The following RBM26 variants were observed in gnomAD, a reference collection of about 807,000 sequenced individuals.
The protein encoded by RBM26 is RNA binding motif protein 26.
Under a neutral mutation model 123.6 loss-of-function variants are expected in RBM26, and 30 were observed. The ratio of observed to expected loss-of-function variants is 0.24; its 90% CI spans 0.18 to 0.33. The LOEUF (loss-of-function observed/expected upper bound fraction) is 0.33, where lower values mean the gene tolerates loss of function less well. Ranked by LOEUF, RBM26 falls within the 10% of genes least tolerant of loss-of-function variation. The probability of loss-of-function intolerance (pLI) is 1.00; values close to 1 mark genes in which losing one functional copy is unlikely to be tolerated. For missense variants in RBM26, 947 were observed against 1,203.6 expected (o/e 0.79, Z 3.15); for synonymous variants, 400 against 404.4 (o/e 0.99, Z 0.13).
intron 8 of RBM26, 51 bp downstream of exon 8, chr13:79,366,004 T>C: frequency 1.3e-6 from 2 of 1,513,792 alleles, no homozygotes. Flanking sequence ...TTTAAAATTC[T>C]TCATCTAAAA....
chr13:79,331,296 G>A (rs560495007), intron 20 of RBM26, among the ~76,000 whole-genome samples: 173 of 151,878 alleles, frequency 1.1e-3, no homozygotes, highest in Non-Finnish European at 2.0e-3. Context: ...GAGCCACTGC[G>A]CCTGGCCCCT....
In RBM26 at chr13:79,355,201, A is replaced by C. The variant is rs1296817985; in HGVS notation, c.1854+19T>G. The C allele has an allele frequency of 1.2e-6, 2 of 1,610,582 alleles. No individual in the cohort carries two copies. The highest frequency in any genetic ancestry group is 1.7e-6 in the Non-Finnish European group (2 of 1,177,402). On this transcript the variant is annotated intron_variant, in intron 12 of 21. Transcript: ENST00000438737. The stretch of plus-strand genomic sequence containing the variant: ...CTTTCTAAGAAATGCGCGTACTTTT[A>C]CACAAATTCCTCTCTTACCTTTGGA...
rs905861619 is a variant in RBM26 at position 79,375,357 on chromosome 13, G to A, written c.327+2022C>T. 2.2e-4 allele frequency among the ~76,000 whole-genome samples: 33 copies of A among 151,248 alleles called. 1 individual carries two copies. Among genetic ancestry groups the A allele is most frequent in the Admixed American group, 4.6e-4 (7 of 15,100 alleles). ...CTGGCTAATTTTTGTTTTTAGTAGC[G>A]ACAGGGTTTCACCATATTGGCCAAG... On this transcript the variant is annotated intron_variant, in intron 3 of 21. Coordinates refer to ENST00000438737, the MANE Select transcript of RBM26 (RefSeq NM_001366735.2).
At chr13:79,365,884 ATGT>A in intron 8 of RBM26, 166 bp from the exon 9 acceptor site, 2 of 950,952 alleles carry the variant, frequency 2.1e-6, no homozygotes, top group South Asian at 2.0e-5. Flanking sequence ...TAAAAAGAAA[ATGT>A]TTTTTTGAAA....
chr13:79,400,703 A>G (rs1447402417), intron 1 of RBM26, among the ~76,000 whole-genome samples: 1 of 152,220 alleles, frequency 6.6e-6, no homozygotes, highest in Non-Finnish European at 1.5e-5. Flanking sequence ...GAACCAACAC[A>G]TTAGGGATTC....
At chr13:79,340,812 G>C (rs1167453387) in intron 18 of RBM26, among the ~76,000 whole-genome samples, 2 of 151,844 alleles carry the variant, frequency 1.3e-5, no homozygotes, top group Non-Finnish European at 2.9e-5. Flanking sequence ...TACCTGAAAA[G>C]ACTTTATTAT....
chr13:79,314,950 T>C (rs1456917262), downstream of RBM26: 1 of 1,293,932 alleles, frequency 7.7e-7, no homozygotes, highest in Admixed American at 2.3e-5. Context: ...GGTCTTGCTC[T>C]TGCAGTCACA....
At position 79,373,472 on chromosome 13, in the gene RBM26, AAATATACAAATATATATAATAT is replaced by A. The variant is rs1566508364; in HGVS notation, c.328-1564_328-1543del. On this transcript the variant is annotated intron_variant, in intron 3 of 21. Coordinates refer to ENST00000438737, the MANE Select transcript of RBM26 (RefSeq NM_001366735.2). Reference sequence around the variant, plus strand: ...ATATATAAATATATATAATATGTATAAATATACAAATATATATAATATGTATAAATATACTTATTTATATATA... The same window carrying A: ...ATATATAAATATATATAATATGTATAGTATAAATATACTTATTTATATATA... Among the ~76,000 whole-genome samples the A allele has an allele frequency of 2.7e-3, 2 of 740 alleles. 1 individual carries two copies. The highest frequency in any genetic ancestry group is 0.033 in the East Asian group (2 of 60). 0.5% of individuals were successfully genotyped at this position (740 alleles called of 152,430 possible).
chr13:79,360,239 A>C (rs1273339694), intron 9 of RBM26, among the ~76,000 whole-genome samples: 1 of 152,128 alleles, frequency 6.6e-6, no homozygotes, highest in Non-Finnish European at 1.5e-5. Context: ...TAGTATATGT[A>C]GGGTTTGGTA....
At chr13:79,372,053 G>T in intron 3 of RBM26, 123 bp from the exon 4 acceptor site, 1 of 654,530 alleles carries the variant, frequency 1.5e-6, no homozygotes, top group East Asian at 2.8e-5. Context: ...GGCTGAGGCG[G>T]GTGGTTCACG....
chr13:79,322,439 G>C lies in RBM26; in HGVS notation c.2844C>G (p.Phe948Leu). 2 of 1,572,142 alleles carry C rather than the reference G, an allele frequency of 1.3e-6. No individual in the cohort carries two copies. The highest frequency in any genetic ancestry group is 1.7e-6 in the Non-Finnish European group (2 of 1,164,138). The change falls in exon 21 of 22, where the codon TTC becomes TTG. Residue 948 changes from phenylalanine to leucine, a missense_variant. Transcript: ENST00000438737. ...ATGCCAGTTTTAGATCTTGCCCTTT[G>C]AAACGAGCTCCATGAACTGCAGCCT... is the stretch of plus-strand genomic sequence containing the variant. Reference protein sequence around the residue: ...AEAAAVHGARFKGQDLKLAWN... With the variant: ...AEAAAVHGARLKGQDLKLAWN...
At chr13:79,385,145 T>G (rs2077376946) in intron 1 of RBM26, among the ~76,000 whole-genome samples, 4 of 152,200 alleles carry the variant, frequency 2.6e-5, no homozygotes, top group Admixed American at 2.6e-4. Flanking sequence ...TGCATCAAAG[T>G]CATGATTTTA....
At chr13:79,369,090 A>C (rs2075620818) in intron 5 of RBM26, 100 bp from the exon 6 acceptor site, 1 of 695,446 alleles carries the variant, frequency 1.4e-6, no homozygotes, top group East Asian at 3.2e-5. Context: ...ATAGAAAAAA[A>C]ATTTTAAATT....
At chr13:79,393,611 C>G (rs1166992481) in intron 1 of RBM26, among the ~76,000 whole-genome samples, 3 of 152,176 alleles carry the variant, frequency 2.0e-5, no homozygotes, top group Non-Finnish European at 4.4e-5. Flanking sequence ...AGACATTCAA[C>G]CCCCATACAG....
chr13:79,374,857 T>A (rs575934424), intron 3 of RBM26, among the ~76,000 whole-genome samples: 1 of 151,734 alleles, frequency 6.6e-6, no homozygotes, highest in African/African-American at 2.4e-5. Flanking sequence ...GGGATAAGTA[T>A]CTCCCACAAT....
chr13:79,351,585 T>C (rs1169840873), intron 14 of RBM26, among the ~76,000 whole-genome samples: 3 of 61,842 alleles, frequency 4.9e-5, no homozygotes, highest in African/African-American at 2.0e-4. Flanking sequence ...AAATAATGAC[T>C]GGAATTTAGT....
At chr13:79,355,112 A>C in intron 12 of RBM26, 108 bp downstream of exon 12, 1 of 964,032 alleles carries the variant, frequency 1.0e-6, no homozygotes. Context: ...TAAATGCAGA[A>C]CCAGGGTATG....
intron 4 of RBM26, 106 bp from the exon 5 acceptor site, chr13:79,371,268 T>G: frequency 1.1e-6 from 1 of 888,492 alleles, no homozygotes; most frequent in Non-Finnish European, 1.7e-6. Flanking sequence ...TAACTTTCTA[T>G]CCTACCATCA....
At position 79,320,082 on chromosome 13, in the gene RBM26, T is replaced by C; in HGVS notation, c.*539A>G. On this transcript the variant is annotated 3_prime_UTR_variant, in exon 22 of 22. Transcript: ENST00000438737. The stretch of plus-strand genomic sequence containing the variant: ...GTAAAGCAGTCATACACCATTATCA[T>C]TAAAACCCATATGGTAAAATACATA... 1 of 978,974 alleles carries C rather than the reference T, an allele frequency of 1.0e-6. No homozygotes were observed. Among genetic ancestry groups the C allele is most frequent in the Non-Finnish European group, 1.2e-6 (1 of 824,842 alleles). 60.6% of individuals were successfully genotyped at this position (978,974 alleles called of 1,614,324 possible).
Sources: allele counts gnomAD v4.1 joint callset (sites outside exome capture counted in the v4.1 genomes callset), GRCh38; gene constraint gnomAD v4.1.1; transcripts MANE v1.5; gene names NCBI Gene and HGNC (gene_info 2026-07-23, HGNC 2026-07-21).